CMTM6: variants seen among roughly 807,000 people sequenced by gnomAD.
CMTM6 encodes the protein CKLF-like MARVEL transmembrane domain-containing protein 6.
A neutral mutation model predicts 13.6 loss-of-function variants in CMTM6; 5 were observed. That is an observed-to-expected ratio of 0.37 (90% CI 0.19 to 0.77). The LOEUF is 0.77. Among genes scored for constraint, CMTM6 ranks in the 30% least tolerant of loss-of-function variants. CMTM6 has a pLI of 0.50. For missense variants in CMTM6, 196 were observed against 218.6 expected (o/e 0.90, Z 0.65); for synonymous variants, 99 against 84.5 (o/e 1.17, Z -0.94).
At chr3:32,486,123 G>A (rs998300000) in intron 3 of CMTM6, among the ~76,000 whole-genome samples, 5 of 152,134 alleles carry the variant, frequency 3.3e-5, no homozygotes, top group African/African-American at 7.2e-5. Context: ...TGATCCGCCC[G>A]CCTTGGCCTC....
intron 3 of CMTM6, among the ~76,000 whole-genome samples, chr3:32,484,911 CT>C (rs760765838): frequency 1.3e-5 from 2 of 152,112 alleles, no homozygotes; most frequent in Non-Finnish European, 2.9e-5. Context: ...CTCCTCCCCC[CT>C]CTAAAGAATA....
Position 32,502,705 on chromosome 3 carries a change from T to C in CMTM6, c.41A>G (p.Asp14Gly), listed in dbSNP as rs1385310134. The C allele has an allele frequency of 1.3e-6, 2 of 1,581,870 alleles. No individual in the cohort carries two copies. The highest frequency in any genetic ancestry group is 1.7e-6 in the Non-Finnish European group (2 of 1,166,900). Residue 14 changes from aspartate (D) to glycine (G), a missense_variant, in exon 1 of 4, where the codon GAC becomes GGC. Transcript: ENST00000205636. The part of the protein sequence containing the change: ...GAVYSPTTEE[D>G]PGPARGPRSG... ...CCGGGGGCCTCTGGCGGGGCCCGGG[T>C]CCTCCTCCGTAGTGGGGCTGTACAC...
chr3:32,492,008 G>A, intron 1 of CMTM6, 122 bp from the exon 2 acceptor site: 1 of 824,406 alleles, frequency 1.2e-6, no homozygotes, highest in East Asian at 2.7e-5. Context: ...TGGCAAACAA[G>A]ATTAATGAAT....
chr3:32,483,773 T>C lies in CMTM6; in HGVS notation c.*187A>G. ...TCAATTATTATTTAAAAAAAAATTT[T>C]TTTTAACTTATCTGGCCTACTTTGT... On this transcript the variant is annotated 3_prime_UTR_variant, in exon 4 of 4. Coordinates refer to ENST00000205636, the MANE Select transcript of CMTM6 (RefSeq NM_017801.3). 1 of 445,524 alleles carries C rather than the reference T, an allele frequency of 2.2e-6. No individual in the cohort carries two copies. The highest frequency in any genetic ancestry group is 2.0e-5 in the African/African-American group (1 of 49,464). The allele number at this position is 445,524 out of a possible 1,614,324, so 27.6% of individuals were successfully genotyped here.
intron 1 of CMTM6, among the ~76,000 whole-genome samples, chr3:32,497,522 T>G (rs1697306233): frequency 6.6e-6 from 1 of 151,028 alleles, no homozygotes; most frequent in Non-Finnish European, 1.5e-5. Flanking sequence ...AGTTGATTTT[T>G]TTTTTTTTGG....
Sources: gnomAD v4.1 joint callset for allele counts (sites outside exome capture counted in the v4.1 genomes callset) on GRCh38, gnomAD v4.1.1 for gene constraint, MANE v1.5 for transcripts, NCBI Gene and HGNC (gene_info 2026-07-23, HGNC 2026-07-21) for gene names.